Variants in COP1 observed in about 807,000 individuals in gnomAD.
COP1 encodes the protein COP1 E3 ubiquitin ligase, also known as E3 ubiquitin-protein ligase COP1.
A neutral mutation model predicts 101.3 loss-of-function variants in COP1; 24 were observed. The observed-to-expected ratio is 0.24, with a 90% CI of 0.17 to 0.33. COP1 has a LOEUF of 0.33. COP1 is among the 10% of genes least tolerant of loss of function. The pLI is 1.00. For missense variants in COP1, 663 were observed against 906.2 expected (o/e 0.73, Z 3.45); for synonymous variants, 347 against 341.9 (o/e 1.01, Z -0.17).
chr1:175,962,179 G>T (rs1194453864), intron 18 of COP1, among the ~76,000 whole-genome samples: 1 of 152,144 alleles, frequency 6.6e-6, no homozygotes, highest in Non-Finnish European at 1.5e-5. Context: ...CTGGTGGAAA[G>T]ATTATTTTGA....
chr1:176,102,837 CATCTG>C (rs1377305459), intron 9 of COP1, among the ~76,000 whole-genome samples: 5 of 152,182 alleles, frequency 3.3e-5, no homozygotes, highest in African/African-American at 7.2e-5. Flanking sequence ...TTAACTGGCT[CATCTG>C]ATCTTGTGGC....
At chr1:176,006,573 G>T (rs560068624) in intron 15 of COP1, among the ~76,000 whole-genome samples, 2 of 152,108 alleles carry the variant, frequency 1.3e-5, no homozygotes, top group Non-Finnish European at 2.9e-5. Context: ...GCATTTGCTG[G>T]TCTGTAAAGT....
intron 6 of COP1, among the ~76,000 whole-genome samples, chr1:176,145,717 G>A (rs1326792102): frequency 5.9e-5 from 9 of 152,034 alleles, no homozygotes; most frequent in Admixed American, 1.3e-4. Flanking sequence ...ACATTCAGCC[G>A]AAGAAGATAG....
rs753195174 is a variant in COP1, at chr1:176,206,625, G to T, written c.354C>A (p.Pro118=). The part of the protein sequence containing the change: ...SGSRKRPLLA[P]LCNGLINSYE... Reference sequence around the variant, plus strand: ...AGGAGTTGATGAGCCCGTTGCAGAGGGGGGCGAGGAGAGGTCGCTTCCTGC... The same window carrying T: ...AGGAGTTGATGAGCCCGTTGCAGAGTGGGGCGAGGAGAGGTCGCTTCCTGC... The change falls in exon 1 of 20, where the codon CCC becomes CCA. Residue 118 remains proline, a synonymous_variant. Coordinates refer to ENST00000367669, the MANE Select transcript of COP1 (RefSeq NM_022457.7). The T allele has an allele frequency of 4.0e-5, 64 of 1,612,226 alleles. No individual in the cohort carries two copies. Among genetic ancestry groups the T allele is most frequent in the Middle Eastern group, 1.6e-4 (1 of 6,062 alleles).
intron 2 of COP1, among the ~76,000 whole-genome samples, chr1:176,177,874 T>C (rs547260138): frequency 1.3e-5 from 2 of 152,268 alleles, no homozygotes; most frequent in East Asian, 3.9e-4. Context: ...ACTTTCAAGA[T>C]AAGTAAAAAG....
Position 176,162,078 on chromosome 1 carries a change from C to T in COP1, c.762+791G>A, listed in dbSNP as rs1694418034. Among the ~76,000 whole-genome samples the T allele has an allele frequency of 2.0e-5, 3 of 152,292 alleles. No homozygotes were observed. In the South Asian group the frequency reaches 6.2e-4, roughly 32 times the overall value. ...GAAAATCAGAGCTGTCCCAATCAAA[C>T]AGGCATAAGGGGCACAAAAGAAAGA... On this transcript the variant is annotated intron_variant, in intron 5 of 19. Transcript: ENST00000367669.
At chr1:176,103,892 A>T (rs529373774) in intron 9 of COP1, among the ~76,000 whole-genome samples, 37 of 152,304 alleles carry the variant, frequency 2.4e-4, no homozygotes, top group African/African-American at 8.7e-4. Flanking sequence ...CCAATAAAAA[A>T]TACCAAGAAG....
At chr1:176,196,755 A>G (rs1350059728) in intron 1 of COP1, among the ~76,000 whole-genome samples, 1 of 152,100 alleles carries the variant, frequency 6.6e-6, no homozygotes, top group Non-Finnish European at 1.5e-5. Context: ...AGAAGCCAGC[A>G]CTGGCCAGGC....
intron 15 of COP1, among the ~76,000 whole-genome samples, chr1:175,997,473 G>A (rs1356994452): frequency 2.6e-5 from 4 of 151,958 alleles, no homozygotes; most frequent in Admixed American, 1.3e-4. Flanking sequence ...CCTACAAAAT[G>A]GGAGAAAATT....
Position 176,085,818 on chromosome 1 carries a change from A to G in COP1, c.1099T>C (p.Leu367=). ...RKRLTAHFED[L]EQCYFSTRMS... is the part of the protein sequence containing the mutation. Reference sequence around the variant, plus strand: ...CTTGTAGAAAAGTAACACTGCTCCAAGTCTTCAAAATGAGCAGTAAGTCGT... The same window carrying G: ...CTTGTAGAAAAGTAACACTGCTCCAGGTCTTCAAAATGAGCAGTAAGTCGT... Residue 367 remains leucine (L), a synonymous_variant, in exon 10 of 20, where the codon TTG becomes CTG. Transcript: ENST00000367669. 6.2e-7 allele frequency: 1 copy of G among 1,607,716 alleles called. No homozygotes were observed. Among genetic ancestry groups the G allele is most frequent in the South Asian group, 1.1e-5 (1 of 90,534 alleles).
At chr1:176,035,349 C>A (rs180841944) in intron 14 of COP1, among the ~76,000 whole-genome samples, 1 of 150,460 alleles carries the variant, frequency 6.6e-6, no homozygotes, top group African/African-American at 2.4e-5. Flanking sequence ...ATATAAATTA[C>A]CCAACCTGAA....
intron 18 of COP1, among the ~76,000 whole-genome samples, chr1:175,964,307 A>C (rs1651737649): frequency 6.6e-6 from 1 of 152,178 alleles, no homozygotes; most frequent in Non-Finnish European, 1.5e-5. Flanking sequence ...TAACCTTGCT[A>C]AATAAGGATC....
chr1:176,147,177 C>A (rs891763158), intron 6 of COP1, among the ~76,000 whole-genome samples: 1 of 152,062 alleles, frequency 6.6e-6, no homozygotes, highest in South Asian at 2.1e-4. Context: ...GGTCCTAAGA[C>A]CTGTAACAAT....
intron 1 of COP1, among the ~76,000 whole-genome samples, chr1:176,185,289 T>C (rs1029106833): frequency 4.6e-5 from 7 of 152,198 alleles, no homozygotes; most frequent in Admixed American, 2.6e-4. Flanking sequence ...GCACAGTTTA[T>C]AGATGAGGGA....
Position 176,205,534 on chromosome 1 carries a change from A to G in COP1, c.407+1038T>C, listed in dbSNP as rs145661162. On this transcript the variant is annotated intron_variant, in intron 1 of 19. Transcript: ENST00000367669. ...CTCATAATGACTGTGCAAGCAGCCA[A>G]CTTCCTACATGCCTAATATTTGATC... 3.0e-3 allele frequency among the ~76,000 whole-genome samples: 456 copies of G among 152,346 alleles called. 2 individuals carry two copies. The highest frequency in any genetic ancestry group is 0.01 in the African/African-American group (429 of 41,568).
intron 18 of COP1, among the ~76,000 whole-genome samples, chr1:175,966,437 T>C (rs1458883838): frequency 6.6e-6 from 1 of 152,212 alleles, no homozygotes; most frequent in Non-Finnish European, 1.5e-5. Context: ...AGGAAGGTAC[T>C]ATTTTTATCA....
chr1:176,192,502 AC>A (rs1322538359), intron 1 of COP1, among the ~76,000 whole-genome samples: 5 of 152,174 alleles, frequency 3.3e-5, no homozygotes, highest in Non-Finnish European at 7.4e-5. Flanking sequence ...TACACCAAGA[AC>A]TTTAGGCCAA....
At chr1:175,993,058 C>T (rs1174719640) in intron 15 of COP1, among the ~76,000 whole-genome samples, 2 of 152,110 alleles carry the variant, frequency 1.3e-5, no homozygotes, top group Non-Finnish European at 2.9e-5. Flanking sequence ...TCCAGAGGAA[C>T]GATCAGAGAA....
intron 8 of COP1, among the ~76,000 whole-genome samples, chr1:176,125,407 C>A (rs1428074347): frequency 6.6e-5 from 10 of 152,212 alleles, no homozygotes; most frequent in Middle Eastern, 3.4e-3. Flanking sequence ...TTGATGTGAT[C>A]TTTGCAGCAG....
Sources: gnomAD v4.1 joint callset for allele counts (sites outside exome capture counted in the v4.1 genomes callset) on GRCh38, gnomAD v4.1.1 for gene constraint, MANE v1.5 for transcripts, NCBI Gene and HGNC (gene_info 2026-07-23, HGNC 2026-07-21) for gene names.